PRRG1: variants seen among roughly 807,000 people sequenced by gnomAD.
PRRG1 encodes the protein proline rich and Gla domain 1.
PRRG1 carries 5 observed loss-of-function variants against 11.8 expected under a neutral mutation model. That is an observed-to-expected ratio of 0.42 (90% confidence interval 0.22 to 0.89). The LOEUF (loss-of-function observed/expected upper bound fraction) is 0.89, where lower values mean the gene tolerates loss of function less well. PRRG1 is among the 40% of genes least tolerant of loss of function. The pLI is 0.28. For synonymous variants in PRRG1, 66 were observed against 60.4 expected, an observed-to-expected ratio of 1.09 and a Z score of -0.43; for missense variants, 155 against 166.1, an observed-to-expected ratio of 0.93 and a Z score of 0.37.
chrX:37,448,174 A>C (rs1002591327), intron 3 of PRRG1, among the ~76,000 whole-genome samples: 3 of 112,408 alleles, frequency 2.7e-5, no homozygotes, highest in African/African-American at 9.7e-5. Context: ...ACGAAAGCAT[A>C]GATTTATTGA....
chrX:37,427,603 C>T (rs1438103379), intron 3 of PRRG1, among the ~76,000 whole-genome samples: 1 of 112,230 alleles, frequency 8.9e-6, no homozygotes, highest in African/African-American at 3.2e-5. Flanking sequence ...ATACTGTTTG[C>T]TACTTCTCAT....
chrX:37,442,314 C>T, intron 3 of PRRG1: 1 of 611,377 alleles, frequency 1.6e-6, no homozygotes, highest in Non-Finnish European at 2.0e-6. Context: ...AGGTATCCAG[C>T]AGTCTCTCCA....
chrX:37,416,514 C>G (rs17145056), intron 2 of PRRG1, among the ~76,000 whole-genome samples: 3,099 of 111,654 alleles, frequency 0.028, 106 homozygotes, highest in African/African-American at 0.094. Flanking sequence ...GGAAATCATA[C>G]GGTTGTAACA....
chrX:37,452,359 C>T (rs782304000), intron 3 of PRRG1, among the ~76,000 whole-genome samples: 2 of 111,960 alleles, frequency 1.8e-5, no homozygotes, highest in African/African-American at 6.5e-5. Flanking sequence ...AGTGAGGAAA[C>T]TGAGGCCTAA....
intron 1 of PRRG1, among the ~76,000 whole-genome samples, chrX:37,354,692 C>T (rs1224293679): frequency 2.7e-5 from 3 of 110,895 alleles, no homozygotes; most frequent in South Asian, 7.7e-4. Flanking sequence ...CACGCCCGGC[C>T]GGTAGTGCTT....
chrX:37,414,062 C>T (rs782607895), intron 2 of PRRG1, among the ~76,000 whole-genome samples: 31 of 111,831 alleles, frequency 2.8e-4, no homozygotes, highest in African/African-American at 9.7e-4. Flanking sequence ...AATCACCTAA[C>T]GATGCATTTC....
chrX:37,438,460 C>T (rs782790908), intron 3 of PRRG1, among the ~76,000 whole-genome samples: 4 of 80,089 alleles, frequency 5.0e-5, no homozygotes, highest in East Asian at 7.7e-4. Flanking sequence ...TTTTGAAACA[C>T]GGTTTCGCTC....
intron 3 of PRRG1, among the ~76,000 whole-genome samples, chrX:37,431,219 T>A (rs1932824413): frequency 8.9e-6 from 1 of 112,051 alleles, no homozygotes; most frequent in Non-Finnish European, 1.9e-5. Context: ...ATTGCATAGG[T>A]TTTTGTATTG....
At chrX:37,382,439 T>C (rs1054155171) in intron 1 of PRRG1, among the ~76,000 whole-genome samples, 2 of 111,243 alleles carry the variant, frequency 1.8e-5, no homozygotes, top group Non-Finnish European at 3.8e-5. Context: ...CTTGCAGCTA[T>C]AGATATATAT....
At chrX:37,398,277 A>ACAAAACTT (rs1556378885) in intron 1 of PRRG1, among the ~76,000 whole-genome samples, 2 of 111,125 alleles carry the variant, frequency 1.8e-5, no homozygotes. Context: ...CTCCTCTGAG[A>ACAAAACTT]CAAAACTTCC....
intron 1 of PRRG1, among the ~76,000 whole-genome samples, chrX:37,357,229 T>C (rs1451825750): frequency 2.7e-5 from 3 of 112,087 alleles, no homozygotes; most frequent in Non-Finnish European, 5.6e-5. Flanking sequence ...CCATGTTTTT[T>C]CATGGTTTAA....
At position 37,456,002 on chromosome X, in the gene PRRG1, A is replaced by G. The variant is rs530824854; in HGVS notation, c.*2381A>G. 1.8e-5 allele frequency: 2 copies of G among 112,390 alleles called. No individual in the cohort carries two copies. The highest frequency in any genetic ancestry group is 5.6e-4 in the East Asian group (2 of 3,598). 9.3% of individuals were successfully genotyped at this position (112,390 alleles called of 1,213,427 possible). ...GACATTGTCTTTTCACTCTATCTCA[A>G]AAAAAGTGTTGCAAATGTAAAACAT... On this transcript the variant is annotated 3_prime_UTR_variant, in exon 4 of 4. Transcript: ENST00000378628.
chrX:37,366,393 G>C (rs782088439), intron 1 of PRRG1, among the ~76,000 whole-genome samples: 8 of 111,887 alleles, frequency 7.2e-5, no homozygotes, highest in African/African-American at 9.8e-5. Context: ...AATTTTCTTG[G>C]GTTTAGTTTA....
rs187486762 is a variant in PRRG1 at position 37,372,956 on chromosome X, A to T, written c.-42+23561A>T. ...CTTACCTTTAGGTCTTTAATCCATT[A>T]TGAGTTGATTATTGTATATAGTGTG... On this transcript the variant is annotated intron_variant, in intron 1 of 3. Transcript: ENST00000378628. Among the ~76,000 whole-genome samples the T allele has an allele frequency of 2.3e-4, 26 of 112,342 alleles. No individual in the cohort carries two copies. The East Asian group carries it at 7.0e-3, about 30-fold the overall frequency.
intron 2 of PRRG1, among the ~76,000 whole-genome samples, chrX:37,424,596 TCTC>T (rs1222501624): frequency 9.1e-6 from 1 of 110,024 alleles, no homozygotes; most frequent in Non-Finnish European, 1.9e-5. Context: ...CATAATCTAT[TCTC>T]TGAATTTCCT....
chrX:37,354,235 G>C (rs782303986), intron 1 of PRRG1, among the ~76,000 whole-genome samples: 1 of 111,218 alleles, frequency 9.0e-6, no homozygotes, highest in South Asian at 3.8e-4. Context: ...TGATTCTGCT[G>C]TCCCTGGGAA....
chrX:37,396,704 A>G (rs1266894394), intron 1 of PRRG1, among the ~76,000 whole-genome samples: 2 of 111,511 alleles, frequency 1.8e-5, no homozygotes, highest in Non-Finnish European at 1.9e-5. Flanking sequence ...TACTGAGAGT[A>G]TCATGTATAA....
chrX:37,402,081 A>G (rs1330142328), intron 1 of PRRG1, among the ~76,000 whole-genome samples: 1 of 111,767 alleles, frequency 8.9e-6, no homozygotes, highest in Admixed American at 9.5e-5. Context: ...TATAGATTCA[A>G]TGCCATCCCC....
At chrX:37,367,103 C>T (rs1471885938) in intron 1 of PRRG1, among the ~76,000 whole-genome samples, 3 of 111,396 alleles carry the variant, frequency 2.7e-5, no homozygotes, top group African/African-American at 9.8e-5. Context: ...AATGTTTGAC[C>T]ATATAAGCAT....
Sources: gnomAD v4.1 joint callset for allele counts (sites outside exome capture counted in the v4.1 genomes callset) on GRCh38, gnomAD v4.1.1 for gene constraint, MANE v1.5 for transcripts, NCBI Gene and HGNC (gene_info 2026-07-23, HGNC 2026-07-21) for gene names.